The following ERC1 variants were observed in gnomAD, a reference collection of about 807,000 sequenced individuals.
The protein encoded by ERC1 is ELKS/RAB6-interacting/CAST family member 1.
A neutral mutation model predicts 132.0 loss-of-function variants in ERC1; 56 were observed. That is an observed-to-expected ratio of 0.42 (90% CI 0.34 to 0.53). The LOEUF is 0.53. Ranked by LOEUF, ERC1 falls within the 20% of genes least tolerant of loss-of-function variation. The pLI, the probability that ERC1 is intolerant of heterozygous loss-of-function variation, is 0.03. For synonymous variants in ERC1, 478 were observed against 476.1 expected (o/e 1.00, Z -0.05); for missense variants, 1,202 against 1,349.9 (o/e 0.89, Z 1.72).
At chr12:998,975 T>C (rs1263573221) in intron 1 of ERC1, among the ~76,000 whole-genome samples, 3 of 151,630 alleles carry the variant, frequency 2.0e-5, no homozygotes, top group Non-Finnish European at 2.9e-5. Context: ...TTCTCCTGCC[T>C]TAGCCTCTTG....
At chr12:1,151,574 C>G (rs1014134439) in intron 8 of ERC1, among the ~76,000 whole-genome samples, 1 of 152,184 alleles carries the variant, frequency 6.6e-6, no homozygotes, top group Non-Finnish European at 1.5e-5. Flanking sequence ...CCTCTGCTTT[C>G]CTTGGAGGTT....
At chr12:1,298,154 A>G (rs191584823) in intron 15 of ERC1, among the ~76,000 whole-genome samples, 241 of 152,376 alleles carry the variant, frequency 1.6e-3, no homozygotes, top group African/African-American at 5.5e-3. Flanking sequence ...TTCGATGTGA[A>G]GTAGTACAAT....
At position 1,350,734 on chromosome 12, in the gene ERC1, C is replaced by T. The variant is rs759489621; in HGVS notation, c.2781-21099C>T. On this transcript the variant is annotated intron_variant, in intron 15 of 18. Coordinates refer to ENST00000360905, the MANE Select transcript of ERC1 (RefSeq NM_178040.4). Reference sequence around the variant, plus strand: ...GTGTGTTGTTATAAAAGAATATCTGCGCCTGGATAATTTATAATGTAACAA... The same window carrying T: ...GTGTGTTGTTATAAAAGAATATCTGTGCCTGGATAATTTATAATGTAACAA... 4.6e-5 allele frequency among the ~76,000 whole-genome samples: 7 copies of T among 152,116 alleles called. No homozygotes were observed. In the East Asian group the frequency reaches 7.7e-4, roughly 17 times the overall value.
At chr12:991,892 T>C (rs1231891940) in intron 1 of ERC1, 2 of 151,884 alleles carry the variant, frequency 1.3e-5, no homozygotes, top group Non-Finnish European at 2.9e-5. Flanking sequence ...GAGCTGTGCA[T>C]GTTGCCTTTG....
chr12:1,038,265 C>T (rs970682767), intron 2 of ERC1, among the ~76,000 whole-genome samples: 2 of 152,132 alleles, frequency 1.3e-5, no homozygotes, highest in Non-Finnish European at 2.9e-5. Flanking sequence ...ACCCCATCCT[C>T]CCAGGTCCTT....
chr12:1,388,203 G>A (rs1443317835), intron 16 of ERC1, among the ~76,000 whole-genome samples: 3 of 152,036 alleles, frequency 2.0e-5, no homozygotes, highest in South Asian at 2.1e-4. Flanking sequence ...CAAAAAATTA[G>A]CCAGGCGTGG....
rs768147539 is a variant in ERC1 at position 1,481,172 on chromosome 12, G to A, written c.3214-8921G>A. On this transcript the variant is annotated intron_variant, in intron 18 of 18. Coordinates refer to ENST00000360905, the MANE Select transcript of ERC1 (RefSeq NM_178040.4). ...ATTTTCCATTTAATATTTCCAGATC[G>A]CAGTTGACTGAGGGTAATTGAAACC... 2.4e-4 allele frequency among the ~76,000 whole-genome samples: 37 copies of A among 152,192 alleles called. 1 individual carries two copies. Among genetic ancestry groups the A allele is most frequent in the Admixed American group, 9.2e-4 (14 of 15,278 alleles).
intron 13 of ERC1, among the ~76,000 whole-genome samples, chr12:1,242,980 G>A (rs1031529369): frequency 6.6e-6 from 1 of 151,980 alleles, no homozygotes; most frequent in Non-Finnish European, 1.5e-5. Flanking sequence ...GAGGTCAGGA[G>A]ATCGAGACCA....
intron 1 of ERC1, among the ~76,000 whole-genome samples, chr12:1,012,638 T>C (rs1279924797): frequency 1.3e-5 from 2 of 151,950 alleles, no homozygotes; most frequent in Admixed American, 6.6e-5. Flanking sequence ...GTATTTTTAG[T>C]AGAGACGGGG....
At chr12:1,139,677 A>G (rs1303363362) in intron 7 of ERC1, among the ~76,000 whole-genome samples, 1 of 151,854 alleles carries the variant, frequency 6.6e-6, no homozygotes, top group East Asian at 1.9e-4. Flanking sequence ...TTAATTCAGA[A>G]ATAAAGTAGT....
At chr12:1,412,681 G>A (rs1472391057) in intron 17 of ERC1, among the ~76,000 whole-genome samples, 4 of 152,144 alleles carry the variant, frequency 2.6e-5, no homozygotes, top group African/African-American at 7.2e-5. Flanking sequence ...CTGTGACCTT[G>A]GGAAAGTCAC....
chr12:1,135,384 A>G (rs1268860856), intron 7 of ERC1, among the ~76,000 whole-genome samples: 2 of 152,142 alleles, frequency 1.3e-5, no homozygotes, highest in Non-Finnish European at 2.9e-5. Flanking sequence ...ACACTTCTGT[A>G]TATGCTTATA....
chr12:1,053,737 GAA>G (rs1244735651), intron 2 of ERC1, among the ~76,000 whole-genome samples: 4 of 152,244 alleles, frequency 2.6e-5, no homozygotes, highest in South Asian at 2.1e-4. Context: ...TAAACTTTAA[GAA>G]AAGAGTCCTT....
At position 1,189,810 on chromosome 12, in the gene ERC1, C is replaced by T. The variant is rs371897611; in HGVS notation, c.2158-49C>T. On this transcript the variant is annotated intron_variant, in intron 11 of 18. Transcript: ENST00000360905. The stretch of plus-strand genomic sequence containing the variant: ...ATCATTGTTTGGGACATGGTTTGCC[C>T]ATTGCCACCTGTGTGTATCTGATAG... The T allele has an allele frequency of 1.3e-5, 19 of 1,438,508 alleles. No homozygotes were observed. In the African/African-American group the frequency reaches 2.6e-4, roughly 19 times the overall value. The allele number at this position is 1,438,508 out of a possible 1,614,324, so 89.1% of individuals were successfully genotyped here. A position where few individuals can be genotyped will look rare whatever the true frequency, so the allele number is the denominator to read the frequency against.
chr12:1,460,794 A>G (rs2093628813), intron 18 of ERC1, among the ~76,000 whole-genome samples: 2 of 151,488 alleles, frequency 1.3e-5, no homozygotes, highest in East Asian at 1.9e-4. Flanking sequence ...CCCTCCTCCC[A>G]GTTTTAGGAC....
At chr12:1,186,756 A>G (rs979137388) in intron 11 of ERC1, among the ~76,000 whole-genome samples, 4 of 152,244 alleles carry the variant, frequency 2.6e-5, no homozygotes, top group African/African-American at 9.6e-5. Flanking sequence ...TGATACCATG[A>G]TAAGTGACTA....
rs1946765788 is a variant in ERC1 at position 1,119,065 on chromosome 12, G to A, written c.1569+3032G>A. ...GCTAATTTTTAAAACTTTTTGCAGA[G>A]ACAGAGTCTCACTGTGTTGCCTAGG... is the stretch of plus-strand genomic sequence containing the variant. On this transcript the variant is annotated intron_variant, in intron 7 of 18. Transcript: ENST00000360905. Among the ~76,000 whole-genome samples the A allele has an allele frequency of 4.6e-5, 7 of 152,018 alleles. No individual in the cohort carries two copies. In the South Asian group the frequency reaches 1.5e-3, roughly 32 times the overall value.
At chr12:1,244,190 G>C (rs566586383) in intron 13 of ERC1, among the ~76,000 whole-genome samples, 3 of 152,214 alleles carry the variant, frequency 2.0e-5, no homozygotes, top group Non-Finnish European at 2.9e-5. Context: ...ATGAAGACTT[G>C]GTACTCTAGA....
chr12:1,393,887 G>A (rs1212092472), intron 16 of ERC1, among the ~76,000 whole-genome samples: 19 of 151,170 alleles, frequency 1.3e-4, no homozygotes, highest in South Asian at 4.2e-4. Context: ...GTGGTGGCGG[G>A]CGCCTGTAGT....
Sources: gnomAD v4.1 joint callset for allele counts (sites outside exome capture counted in the v4.1 genomes callset) on GRCh38, gnomAD v4.1.1 for gene constraint, MANE v1.5 for transcripts, NCBI Gene and HGNC (gene_info 2026-07-23, HGNC 2026-07-21) for gene names.